Variants in ATXN1 observed in about 807,000 individuals in gnomAD.
The protein encoded by ATXN1 is ataxin-1.
In ATXN1, 8 loss-of-function variants were observed where a neutral mutation model predicts 56.4. That is an observed-to-expected ratio of 0.14 (90% CI 0.08 to 0.26). The LOEUF is 0.26. Ranked by LOEUF, ATXN1 falls within the 10% of genes least tolerant of loss-of-function variation. The pLI, the probability that ATXN1 is intolerant of heterozygous loss-of-function variation, is 1.00. For missense variants in ATXN1, 987 were observed against 1,106.5 expected (o/e 0.89, Z 1.53); for synonymous variants, 514 against 494.6 (o/e 1.04, Z -0.52).
intron 6 of ATXN1, among the ~76,000 whole-genome samples, chr6:16,344,012 C>T (rs1210640680): frequency 6.6e-6 from 1 of 152,216 alleles, no homozygotes; most frequent in Non-Finnish European, 1.5e-5. Context: ...GCGTGCGCAT[C>T]ACATTCACCC....
intron 6 of ATXN1, among the ~76,000 whole-genome samples, chr6:16,427,317 G>A (rs1759177930): frequency 6.6e-6 from 1 of 152,204 alleles, no homozygotes; most frequent in African/African-American, 2.4e-5. Context: ...GATGCTGGTA[G>A]CTCCTCCCCA....
At chr6:16,411,101 G>T (rs1758787950) in intron 6 of ATXN1, among the ~76,000 whole-genome samples, 1 of 142,580 alleles carries the variant, frequency 7.0e-6, no homozygotes, top group Non-Finnish European at 1.5e-5. Context: ...CTCCAGCCTG[G>T]GTGACAGAGT....
At chr6:16,366,937 A>G (rs886454951) in intron 6 of ATXN1, among the ~76,000 whole-genome samples, 2 of 152,190 alleles carry the variant, frequency 1.3e-5, no homozygotes, top group Non-Finnish European at 2.9e-5. Context: ...AAAATTACAA[A>G]TGTGCAATTT....
chr6:16,565,143 T>C (rs1025930695), intron 4 of ATXN1, among the ~76,000 whole-genome samples: 1 of 152,192 alleles, frequency 6.6e-6, no homozygotes, highest in Admixed American at 6.5e-5. Context: ...AATCTCTGCT[T>C]TATCTTCACA....
rs1328644741 is a variant in ATXN1, at chr6:16,684,072, AAGGCAC to A, written c.-614-26177_-614-26172del. Among the ~76,000 whole-genome samples, 7 of 152,156 alleles carry A rather than the reference AAGGCAC, an allele frequency of 4.6e-5. No homozygotes were observed. In the East Asian group the frequency reaches 1.3e-3, roughly 29 times the overall value. Reference sequence around the variant, plus strand: ...CAAATCCAGCCCATGATCACGCTTGAAGGCACAGGGATATCTAGAAGTCATCCCCCA... The same window carrying A: ...CAAATCCAGCCCATGATCACGCTTGAAGGGATATCTAGAAGTCATCCCCCA... On this transcript the variant is annotated intron_variant, in intron 2 of 7. Transcript: ENST00000436367.
intron 7 of ATXN1, among the ~76,000 whole-genome samples, chr6:16,313,306 C>A (rs1317126868): frequency 6.6e-6 from 1 of 152,158 alleles, no homozygotes; most frequent in African/African-American, 2.4e-5. Flanking sequence ...GCAGCCAAAC[C>A]TAAGTTCAGT....
Position 16,306,409 on chromosome 6 carries a change from G to A in ATXN1, c.2368C>T (p.Pro790Ser). 1 of 1,614,148 alleles carries A rather than the reference G, an allele frequency of 6.2e-7. No homozygotes were observed. Among genetic ancestry groups the A allele is most frequent in the Non-Finnish European group, 8.5e-7 (1 of 1,180,044 alleles). The change falls in exon 8 of 8, where the codon CCT (proline) becomes TCT (serine). Residue 790 changes from proline to serine, a missense_variant. Transcript: ENST00000436367. This position sits in a 1 kb window ranked among gnomAD's most constrained non-coding sequence, Gnocchi z 5.2. Reference sequence around the variant, plus strand: ...AGAGAAGGCTTAGGAAGAGTCAAAGGTGGTTCGTCTTCTGACTTCTCCAGT... The same window carrying A: ...AGAGAAGGCTTAGGAAGAGTCAAAGATGGTTCGTCTTCTGACTTCTCCAGT... Reference protein sequence around the residue: ...RKLEKSEDEPPLTLPKPSLIP... With the variant: ...RKLEKSEDEPSLTLPKPSLIP...
At chr6:16,517,683 T>C (rs1302525892) in intron 5 of ATXN1, among the ~76,000 whole-genome samples, 1 of 152,118 alleles carries the variant, frequency 6.6e-6, no homozygotes, top group African/African-American at 2.4e-5. Context: ...AGAACACAAG[T>C]ACATACAAAT....
At chr6:16,575,205 A>G (rs572407797) in intron 4 of ATXN1, among the ~76,000 whole-genome samples, 1 of 151,792 alleles carries the variant, frequency 6.6e-6, no homozygotes, top group African/African-American at 2.4e-5. Context: ...GGGATATTTT[A>G]AAATTCTACG....
Position 16,312,805 on chromosome 6 carries a change from C to T in ATXN1, c.1918-5946G>A, listed in dbSNP as rs77850645. Among the ~76,000 whole-genome samples, 486 of 152,182 alleles carry T rather than the reference C, an allele frequency of 3.2e-3. 31 individuals carry two copies. In the East Asian group the frequency reaches 0.083, roughly 26 times the overall value. ...TCCTCAGTCTCCTCGATACTAACCCCTTCGTCTCCCCCCATACCCCCCTCC... is the reference window on the plus strand; with the variant it reads ...TCCTCAGTCTCCTCGATACTAACCCTTTCGTCTCCCCCCATACCCCCCTCC... On this transcript the variant is annotated intron_variant, in intron 7 of 7. Transcript: ENST00000436367.
chr6:16,327,518 C>T lies in ATXN1; in HGVS notation c.793G>A (p.Ala265Thr), dbSNP rs766160576. ...TGGGGGTGGAGGTGGACGGGGATGG[C>T]CGGAGGAGAGGCGGTGCGGCCGGTG... is the stretch of plus-strand genomic sequence containing the variant. ...QNTGRTASPP[A>T]IPVHLHPHQT... is the part of the protein sequence containing the mutation. Residue 265 changes from alanine to threonine, a missense_variant, in exon 7 of 8, where the codon GCC becomes ACC. Physicochemically the swap from Ala to Thr is moderately conservative, Grantham distance 58. Transcript: ENST00000436367. 1.2e-6 allele frequency: 2 copies of T among 1,611,938 alleles called. No homozygotes were observed. The highest frequency in any genetic ancestry group is 2.2e-5 in the East Asian group (1 of 44,828).
At chr6:16,511,799 A>T (rs1187131381) in intron 5 of ATXN1, among the ~76,000 whole-genome samples, 1 of 152,212 alleles carries the variant, frequency 6.6e-6, no homozygotes, top group Non-Finnish European at 1.5e-5. Context: ...GAGGAAGATA[A>T]GCGAGGCTGG....
At chr6:16,381,126 C>A (rs536057739) in intron 6 of ATXN1, among the ~76,000 whole-genome samples, 127 of 152,220 alleles carry the variant, frequency 8.3e-4, no homozygotes, top group Admixed American at 8.0e-3. Flanking sequence ...CCTGTCTCTA[C>A]TATTACAAAA....
At chr6:16,481,924 C>T (rs1760447849) in intron 6 of ATXN1, among the ~76,000 whole-genome samples, 1 of 152,004 alleles carries the variant, frequency 6.6e-6, no homozygotes, top group Admixed American at 6.5e-5. Context: ...AAGCAAACCA[C>T]TCAAATGGAA....
chr6:16,335,026 A>G (rs907854701), intron 6 of ATXN1, among the ~76,000 whole-genome samples: 3 of 152,240 alleles, frequency 2.0e-5, no homozygotes, highest in Non-Finnish European at 4.4e-5. Context: ...GGGTCAGGAT[A>G]GAAACTCAGG....
intron 3 of ATXN1, among the ~76,000 whole-genome samples, chr6:16,608,719 T>C (rs1414846298): frequency 6.6e-6 from 1 of 152,170 alleles, no homozygotes; most frequent in Non-Finnish European, 1.5e-5. Flanking sequence ...AATTGGACCA[T>C]GCAGCGTGAT....
chr6:16,396,842 A>G (rs1263784157), intron 6 of ATXN1, among the ~76,000 whole-genome samples: 1 of 151,952 alleles, frequency 6.6e-6, no homozygotes, highest in East Asian at 1.9e-4. Flanking sequence ...CACAAAAACT[A>G]TGTTTAGGAA....
intron 1 of ATXN1, among the ~76,000 whole-genome samples, chr6:16,756,988 C>T (rs1167068883): frequency 2.6e-5 from 4 of 152,160 alleles, no homozygotes; most frequent in Non-Finnish European, 5.9e-5. Flanking sequence ...AAGAAATGTG[C>T]GTCCTTGGAC....
Position 16,416,259 on chromosome 6 carries a change from T to G in ATXN1, c.-161+69713A>C, listed in dbSNP as rs77585879. Among the ~76,000 whole-genome samples the G allele has an allele frequency of 7.2e-3, 1,099 of 152,330 alleles. 10 individuals are homozygous for G. Among genetic ancestry groups the G allele is most frequent in the African/African-American group, 0.025 (1,041 of 41,576 alleles). On this transcript the variant is annotated intron_variant, in intron 6 of 7. Transcript: ENST00000436367. ...TGTATACTTGAAGTAATGCAACTTA[T>G]TTTCTTAGAAGGATCTCTCAATATA...
Sources: allele counts gnomAD v4.1 joint callset (sites outside exome capture counted in the v4.1 genomes callset), GRCh38; gene constraint gnomAD v4.1.1; non-coding constraint Gnocchi (gnomAD v3.1); transcripts MANE v1.5; gene names NCBI Gene and HGNC (gene_info 2026-07-23, HGNC 2026-07-21).